The following ROBO1 variants were observed in gnomAD, a reference collection of about 807,000 sequenced individuals.
ROBO1 encodes the protein roundabout homolog 1.
In ROBO1, 149 loss-of-function variants were observed where a neutral mutation model predicts 195.9. That is an observed-to-expected ratio of 0.76 (90% CI 0.67 to 0.87). The LOEUF (loss-of-function observed/expected upper bound fraction) is 0.87. Among genes scored for constraint, ROBO1 ranks in the 40% least tolerant of loss-of-function variants. The probability of loss-of-function intolerance (pLI) is 0.00; values close to 1 mark genes in which losing one functional copy is unlikely to be tolerated. For missense variants in ROBO1, 1,933 were observed against 2,068.3 expected (o/e 0.93, Z 1.27); for synonymous variants, 816 against 733.2 (o/e 1.11, Z -1.82).
Position 79,676,497 on chromosome 3 carries a change from C to T in ROBO1, c.-50-86536G>A, listed in dbSNP as rs145196542. ...GAAAGAATCTTCTTCCATGTTCACT[C>T]GGGTTGTGGTATAATTTATTTTCTT... is the stretch of plus-strand genomic sequence containing the variant. On this transcript the variant is annotated intron_variant, in intron 1 of 30. Coordinates refer to ENST00000464233, the MANE Select transcript of ROBO1 (RefSeq NM_002941.4). 1.9e-4 allele frequency among the ~76,000 whole-genome samples: 29 copies of T among 152,008 alleles called. No homozygotes were observed. In the East Asian group the frequency reaches 4.5e-3, roughly 24 times the overall value.
rs775620555 is a variant in ROBO1, at chr3:78,667,975, T to A, written c.1874A>T (p.Lys625Ile). The change falls in exon 14 of 31, where the codon AAA (lysine) becomes ATA (isoleucine). Residue 625 changes from lysine to isoleucine, a missense_variant. By Grantham distance (102) the Lys-to-Ile change is moderately radical. Around this residue, in one of 3 missense-constraint regions of ROBO1, gnomAD observed 1,737 missense variants for 1,882.5 expected, o/e 0.92. Transcript: ENST00000464233. ...KTETSAIKGL[K>I]PNAIYLFLVR... is the part of the protein sequence containing the mutation. ...AAGGAAAAGGTAAATTGCATTAGGT[T>A]TGAGTCCTTTAATGGCAGATGTTTC... 1.2e-6 allele frequency: 2 copies of A among 1,613,676 alleles called. No individual in the cohort carries two copies. The highest frequency in any genetic ancestry group is 2.2e-5 in the East Asian group (1 of 44,896).
At chr3:79,659,444 G>T (rs1946265254) in intron 1 of ROBO1, among the ~76,000 whole-genome samples, 1 of 151,948 alleles carries the variant, frequency 6.6e-6, no homozygotes, top group South Asian at 2.1e-4. Context: ...GAAGTAGTTT[G>T]TTATGGGATC....
chr3:79,321,606 T>C (rs1251974120), intron 2 of ROBO1, among the ~76,000 whole-genome samples: 1 of 152,192 alleles, frequency 6.6e-6, no homozygotes, highest in Non-Finnish European at 1.5e-5. Flanking sequence ...GGTTTCCTTC[T>C]TCAAAAGCAA....
intron 25 of ROBO1, 29 bp from the exon 26 acceptor site, chr3:78,627,598 T>A: frequency 6.4e-7 from 1 of 1,567,266 alleles, no homozygotes; most frequent in Non-Finnish European, 8.6e-7. Context: ...ATGTGTAGAC[T>A]TACTTCAGGT....
At chr3:78,856,005 T>C (rs113609571) in intron 4 of ROBO1, among the ~76,000 whole-genome samples, 164 of 151,878 alleles carry the variant, frequency 1.1e-3, no homozygotes, top group African/African-American at 3.4e-3. Flanking sequence ...CAAAATATAG[T>C]CAATTCCAAG....
At chr3:79,409,176 A>G (rs2037670243) in intron 2 of ROBO1, among the ~76,000 whole-genome samples, 1 of 152,180 alleles carries the variant, frequency 6.6e-6, no homozygotes, top group African/African-American at 2.4e-5. Context: ...TCTCAAGACC[A>G]TAAATGCAAT....
At chr3:79,663,856 C>T (rs558825588) in intron 1 of ROBO1, among the ~76,000 whole-genome samples, 2 of 152,126 alleles carry the variant, frequency 1.3e-5, no homozygotes, top group South Asian at 4.1e-4. Flanking sequence ...TATTTTCCAG[C>T]ATCTTCCTCT....
chr3:79,308,378 T>C (rs559086945), intron 2 of ROBO1, among the ~76,000 whole-genome samples: 30 of 152,332 alleles, frequency 2.0e-4, no homozygotes, highest in African/African-American at 7.0e-4. Context: ...TTTACTTTTG[T>C]GAAAAATGTA....
At chr3:79,285,890 A>G (rs566625962) in intron 2 of ROBO1, among the ~76,000 whole-genome samples, 66 of 152,334 alleles carry the variant, frequency 4.3e-4, no homozygotes, top group Non-Finnish European at 8.2e-4. Flanking sequence ...GCTGCATGAA[A>G]TAAGAAGCAA....
chr3:79,556,230 C>T (rs966911753), intron 2 of ROBO1, among the ~76,000 whole-genome samples: 16 of 151,982 alleles, frequency 1.1e-4, no homozygotes, highest in African/African-American at 1.7e-4. Flanking sequence ...TTGTAAGATA[C>T]ATTATTTTAT....
chr3:78,924,338 T>A (rs570948292), intron 4 of ROBO1, among the ~76,000 whole-genome samples: 8 of 147,760 alleles, frequency 5.4e-5, no homozygotes, highest in African/African-American at 2.0e-4. Context: ...AACTGAAATA[T>A]AAATTATTTA....
chr3:78,720,707 A>G (rs1308536736), intron 5 of ROBO1, among the ~76,000 whole-genome samples: 6 of 152,216 alleles, frequency 3.9e-5, no homozygotes, highest in African/African-American at 9.6e-5. Flanking sequence ...ATGTCCATCA[A>G]TGATAGACTG....
At position 78,639,449 on chromosome 3, in the gene ROBO1, TAATA is replaced by T. The variant is rs774427311; in HGVS notation, c.3037+291_3037+294del. ...AGAGTGAGATTCTGTCTCCAATAAATAATAAATAAATAAATAAATACTTTCACAT... is the reference window on the plus strand; with the variant it reads ...AGAGTGAGATTCTGTCTCCAATAAATAATAAATAAATAAATACTTTCACAT... On this transcript the variant is annotated intron_variant, in intron 22 of 30. Transcript: ENST00000464233. Among the ~76,000 whole-genome samples, 74 of 152,202 alleles carry T rather than the reference TAATA, an allele frequency of 4.9e-4. 1 individual carries two copies. The South Asian group carries it at 5.2e-3, about 11-fold the overall frequency.
intron 2 of ROBO1, among the ~76,000 whole-genome samples, chr3:79,510,578 G>T (rs9832114): frequency 0.72 from 107,915 of 149,112 alleles, 39,640 homozygotes; most frequent in African/African-American, 0.86. Context: ...AAAGGGTCAA[G>T]TTGGAGGATA....
chr3:79,195,691 C>T (rs967141805), intron 2 of ROBO1, among the ~76,000 whole-genome samples: 1 of 151,192 alleles, frequency 6.6e-6, no homozygotes, highest in African/African-American at 2.4e-5. Context: ...CTTGTACTTC[C>T]TATGGTCAAT....
At chr3:79,195,532 G>C (rs1236055237) in intron 2 of ROBO1, among the ~76,000 whole-genome samples, 3 of 151,322 alleles carry the variant, frequency 2.0e-5, no homozygotes, top group Non-Finnish European at 4.4e-5. Flanking sequence ...AAAATTATCA[G>C]ATAAAAAAGA....
chr3:78,668,375 A>C (rs1014250819), intron 12 of ROBO1, 73 bp from the exon 13 acceptor site: 1 of 1,590,498 alleles, frequency 6.3e-7, no homozygotes, highest in African/African-American at 1.3e-5. Context: ...TGCAGATAAC[A>C]TATTCATACA....
intron 1 of ROBO1, among the ~76,000 whole-genome samples, chr3:79,626,002 T>C (rs543711117): frequency 7.0e-4 from 106 of 152,262 alleles, no homozygotes; most frequent in African/African-American, 2.5e-3. Context: ...CAAAAACTTA[T>C]CCTGCATGAT....
At chr3:79,024,550 A>T (rs1412105791) in intron 3 of ROBO1, among the ~76,000 whole-genome samples, 2 of 152,218 alleles carry the variant, frequency 1.3e-5, no homozygotes, top group African/African-American at 2.4e-5. Context: ...GAACCAAAGC[A>T]CTTGAAGAAA....
Sources: gnomAD v4.1 joint callset for allele counts (sites outside exome capture counted in the v4.1 genomes callset) on GRCh38, gnomAD v4.1.1 for gene constraint, gnomAD v4.1.1 regional missense constraint, MANE v1.5 for transcripts, NCBI Gene and HGNC (gene_info 2026-07-23, HGNC 2026-07-21) for gene names.